The following SV2B variants were observed in gnomAD, a reference collection of about 807,000 sequenced individuals.
SV2B encodes the protein synaptic vesicle glycoprotein 2B.
Under a neutral mutation model 73.9 loss-of-function variants are expected in SV2B, and 41 were observed. The ratio of observed to expected loss-of-function variants is 0.56; its 90% confidence interval spans 0.43 to 0.72. SV2B has a LOEUF of 0.72. Ranked by LOEUF, SV2B falls within the 30% of genes least tolerant of loss-of-function variation. The pLI is 0.00. For synonymous variants in SV2B, 314 were observed against 314.2 expected (o/e 1.00, Z 0.01); for missense variants, 764 against 857.8 (o/e 0.89, Z 1.37).
chr15:91,195,440 G>A (rs2045210226), intron 1 of SV2B, among the ~76,000 whole-genome samples: 3 of 152,212 alleles, frequency 2.0e-5, no homozygotes, highest in Non-Finnish European at 4.4e-5. Flanking sequence ...GATTACAGTT[G>A]TGAGCCACTG....
chr15:91,267,752 C>G lies in SV2B; in HGVS notation c.1208+109C>G, dbSNP rs1169796492. 2.2e-6 allele frequency: 2 copies of G among 923,608 alleles called. No homozygotes were observed. Among genetic ancestry groups the G allele is most frequent in the Non-Finnish European group, 3.4e-6 (2 of 583,198 alleles). The allele number at this position is 923,608 out of a possible 1,614,324, so 57.2% of individuals were successfully genotyped here. A position where few individuals can be genotyped will look rare whatever the true frequency, so the allele number is the denominator to read the frequency against. On this transcript the variant is annotated intron_variant, in intron 8 of 12. Coordinates refer to ENST00000394232, the MANE Select transcript of SV2B (RefSeq NM_001323032.3). The surrounding 1 kb of genome is among the most constrained non-coding windows in gnomAD (Gnocchi z 4.3). ...CTTAGAATTTGTATCAGGTAGGATG[C>G]TTTGGTGGCAAGTAGCAGAAAACCA... is the stretch of plus-strand genomic sequence containing the variant.
In SV2B at chr15:91,258,944, T is replaced by C. The variant is rs985457303; in HGVS notation, c.918+390T>C. The stretch of plus-strand genomic sequence containing the variant: ...TCTACAAAAAAAAAAAAAAAAAAAT[T>C]AGTTGAGCGATTTGGTGCGTGCATG... On this transcript the variant is annotated intron_variant, in intron 5 of 12. Transcript: ENST00000394232. This position sits in a 1 kb window ranked among gnomAD's most constrained non-coding sequence, Gnocchi z 4.7. Among the ~76,000 whole-genome samples the C allele has an allele frequency of 6.8e-6, 1 of 146,500 alleles. No homozygotes were observed. Among genetic ancestry groups the C allele is most frequent in the African/African-American group, 2.6e-5 (1 of 39,022 alleles).
intron 11 of SV2B, among the ~76,000 whole-genome samples, chr15:91,287,523 C>T (rs1006196834): frequency 2.6e-5 from 4 of 152,186 alleles, no homozygotes; most frequent in East Asian, 1.9e-4. Context: ...CAAGGTCCTC[C>T]GGGCTGAACT....
At chr15:91,103,060 A>G (rs566460605) in intron 1 of SV2B, among the ~76,000 whole-genome samples, 1 of 152,376 alleles carries the variant, frequency 6.6e-6, no homozygotes, top group South Asian at 2.1e-4. Flanking sequence ...ATTGCCTCTT[A>G]GGATTCCTAT....
chr15:91,281,593 G>C lies in SV2B; in HGVS notation c.1374-135G>C. 1 of 1,005,926 alleles carries C rather than the reference G, an allele frequency of 9.9e-7. No individual in the cohort carries two copies. The allele number at this position is 1,005,926 out of a possible 1,614,324, so 62.3% of individuals were successfully genotyped here. ...ACAAACAGCTAAGAAGTGGGGAAGTGGTCTGGGTTGAAAATAATGCTCTGG... is the reference window on the plus strand; with the variant it reads ...ACAAACAGCTAAGAAGTGGGGAAGTCGTCTGGGTTGAAAATAATGCTCTGG... On this transcript the variant is annotated intron_variant, in intron 9 of 12. Transcript: ENST00000394232. The surrounding 1 kb of genome is among the most constrained non-coding windows in gnomAD (Gnocchi z 4.7).
intron 1 of SV2B, among the ~76,000 whole-genome samples, chr15:91,209,170 G>C (rs2045763402): frequency 1.4e-5 from 2 of 140,512 alleles, no homozygotes; most frequent in Non-Finnish European, 3.0e-5. Context: ...TGCCCAGGCT[G>C]GAGTGCAGTG....
At chr15:91,180,251 G>T (rs2044496672) in intron 1 of SV2B, among the ~76,000 whole-genome samples, 1 of 152,186 alleles carries the variant, frequency 6.6e-6, no homozygotes. Context: ...TAGAGTTTCT[G>T]CCGAGAGATC....
At chr15:91,107,703 G>A (rs766989131) in intron 1 of SV2B, among the ~76,000 whole-genome samples, 34 of 151,988 alleles carry the variant, frequency 2.2e-4, no homozygotes, top group African/African-American at 7.7e-4. Context: ...TTGACCTCCC[G>A]GGCTCAAGTG....
chr15:91,159,364 T>C (rs1405712020), intron 1 of SV2B, among the ~76,000 whole-genome samples: 1 of 152,224 alleles, frequency 6.6e-6, no homozygotes, highest in Admixed American at 6.5e-5. Flanking sequence ...AGTGAAGCTC[T>C]GCTCTACCCA....
At chr15:91,173,743 A>G (rs1314506892) in intron 1 of SV2B, among the ~76,000 whole-genome samples, 1 of 152,226 alleles carries the variant, frequency 6.6e-6, no homozygotes, top group Non-Finnish European at 1.5e-5. Context: ...AATGCAGGAA[A>G]GAATAGGTGA....
In SV2B at chr15:91,289,503, CT is replaced by C. The variant is rs750759998; in HGVS notation, c.1709-16del. On this transcript the variant is annotated splice_polypyrimidine_tract_variant and intron_variant, in intron 11 of 12. Transcript: ENST00000394232. This position sits in a 1 kb window ranked among gnomAD's most constrained non-coding sequence, Gnocchi z 4.9. ...CACAGGCCTCATGTTTCTTTTTGCCCTTGAACTCCCTCTGCAGGTGGCTCCA... is the reference window on the plus strand; with the variant it reads ...CACAGGCCTCATGTTTCTTTTTGCCCTGAACTCCCTCTGCAGGTGGCTCCA... 3.3e-5 allele frequency: 53 copies of C among 1,613,960 alleles called. No homozygotes were observed. The highest frequency in any genetic ancestry group is 4.1e-5 in the Non-Finnish European group (48 of 1,179,990).
In SV2B at chr15:91,258,884, G is replaced by GT; in HGVS notation, c.918+336dup. 6.9e-6 allele frequency among the ~76,000 whole-genome samples: 1 copy of GT among 144,218 alleles called. No individual in the cohort carries two copies. The highest frequency in any genetic ancestry group is 1.5e-5 in the Non-Finnish European group (1 of 66,444). 94.6% of individuals were successfully genotyped at this position (144,218 alleles called of 152,430 possible). A position where few individuals can be genotyped will look rare whatever the true frequency, so the allele number is the denominator to read the frequency against. On this transcript the variant is annotated intron_variant, in intron 5 of 12. Transcript: ENST00000394232. This position sits in a 1 kb window ranked among gnomAD's most constrained non-coding sequence, Gnocchi z 4.7. Reference sequence around the variant, plus strand: ...TGTCCCCCGAGGTCCTGATTAGGAAGTTTTTTAGCCTGGGCTACACAGGGA... The same window carrying GT: ...TGTCCCCCGAGGTCCTGATTAGGAAGTTTTTTTAGCCTGGGCTACACAGGGA...
Position 91,288,968 on chromosome 15 carries a change from T to A in SV2B, c.1709-553T>A, listed in dbSNP as rs995830374. Reference sequence around the variant, plus strand: ...GCTGGGATTATAGGCCAGAATTCCTTTCTTTTTAATGTCTGAGTAGTATCC... The same window carrying A: ...GCTGGGATTATAGGCCAGAATTCCTATCTTTTTAATGTCTGAGTAGTATCC... On this transcript the variant is annotated intron_variant, in intron 11 of 12. Transcript: ENST00000394232. This position sits in a 1 kb window ranked among gnomAD's most constrained non-coding sequence, Gnocchi z 5.8. Among the ~76,000 whole-genome samples the A allele has an allele frequency of 6.6e-6, 1 of 152,160 alleles. No individual in the cohort carries two copies. The highest frequency in any genetic ancestry group is 1.5e-5 in the Non-Finnish European group (1 of 68,020).
chr15:91,189,062 G>T (rs1379290627), intron 1 of SV2B, among the ~76,000 whole-genome samples: 2 of 152,132 alleles, frequency 1.3e-5, no homozygotes, highest in Non-Finnish European at 2.9e-5. Context: ...CTGACCTCAG[G>T]TGATCCACCC....
chr15:91,133,429 C>T (rs747829127), intron 1 of SV2B, among the ~76,000 whole-genome samples: 3 of 151,744 alleles, frequency 2.0e-5, no homozygotes, highest in Non-Finnish European at 1.5e-5. Context: ...AGGTTCTCTG[C>T]TCAAATGCAC....
At chr15:91,291,178 T>C (rs2049027653) in intron 12 of SV2B, among the ~76,000 whole-genome samples, 1 of 150,694 alleles carries the variant, frequency 6.6e-6, no homozygotes, top group Non-Finnish European at 1.5e-5. Context: ...AAAACGTCAA[T>C]TTTTATTTAG....
In SV2B at chr15:91,130,644, G is replaced by C. The variant is rs917720127; in HGVS notation, c.-392+30281G>C. Among the ~76,000 whole-genome samples, 2 of 152,176 alleles carry C rather than the reference G, an allele frequency of 1.3e-5. No individual in the cohort carries two copies. Among genetic ancestry groups the C allele is most frequent in the Admixed American group, 1.3e-4 (2 of 15,284 alleles). Reference sequence around the variant, plus strand: ...ACAGGGACCAAGAGGAAGCTCCTGCGTGTCAGTCAGGATGTGGCTTGTGAG... The same window carrying C: ...ACAGGGACCAAGAGGAAGCTCCTGCCTGTCAGTCAGGATGTGGCTTGTGAG... On this transcript the variant is annotated intron_variant, in intron 1 of 12. Coordinates refer to ENST00000394232, the MANE Select transcript of SV2B (RefSeq NM_001323032.3). The surrounding 1 kb of genome is among the most constrained non-coding windows in gnomAD (Gnocchi z 5.6).
In SV2B at chr15:91,251,888, G is replaced by A. The variant is rs1261711865; in HGVS notation, c.521G>A (p.Arg174Lys). 1.2e-6 allele frequency: 2 copies of A among 1,614,066 alleles called. No homozygotes were observed. The highest frequency in any genetic ancestry group is 1.7e-6 in the Non-Finnish European group (2 of 1,180,042). Residue 174 changes from arginine to lysine, a missense_variant, in exon 3 of 13, where the codon AGG (arginine) becomes AAG (lysine). Transcript: ENST00000394232. ...GGAGGCCTGGCTGATAAGCTGGGAA[G>A]GAAGCGAGTCCTCAGCATGTCTCTG... ...ILGGLADKLG[R>K]KRVLSMSLAV...
At chr15:91,173,065 A>G (rs910242365) in intron 1 of SV2B, among the ~76,000 whole-genome samples, 20 of 152,172 alleles carry the variant, frequency 1.3e-4, no homozygotes, top group African/African-American at 4.8e-4. Context: ...TTTGGAGGAA[A>G]GGAGGCACTT....
Sources: gnomAD v4.1 joint callset for allele counts (sites outside exome capture counted in the v4.1 genomes callset) on GRCh38, gnomAD v4.1.1 for gene constraint, Gnocchi (gnomAD v3.1) non-coding constraint, MANE v1.5 for transcripts, NCBI Gene and HGNC (gene_info 2026-07-23, HGNC 2026-07-21) for gene names.